TNPO2: variants seen among roughly 807,000 people sequenced by gnomAD.
TNPO2 encodes the protein transportin 2, also known as transportin-2.
Under a neutral mutation model 111.1 loss-of-function variants are expected in TNPO2, and 16 were observed. The ratio of observed to expected loss-of-function variants is 0.14; its 90% CI spans 0.10 to 0.22. The LOEUF (loss-of-function observed/expected upper bound fraction) is 0.22. Among genes scored for constraint, TNPO2 ranks in the 10% least tolerant of loss-of-function variants. The pLI, the probability that TNPO2 is intolerant of heterozygous loss-of-function variation, is 1.00. For missense variants in TNPO2, 530 were observed against 1,173.7 expected (o/e 0.45, Z 8.01); for synonymous variants, 481 against 475.8 (o/e 1.01, Z -0.14).
At chr19:12,716,470 A>G (rs963491023) in intron 5 of TNPO2, among the ~76,000 whole-genome samples, 1 of 152,162 alleles carries the variant, frequency 6.6e-6, no homozygotes, top group Non-Finnish European at 1.5e-5. Flanking sequence ...TACTAAAAAT[A>G]CAAAAATTAG....
At position 12,720,837 on chromosome 19, in the gene TNPO2, C is replaced by T. The variant is rs767015741; in HGVS notation, c.99+42G>A. Reference sequence around the variant, plus strand: ...CTCTCTGGCCTTTGGAAACTGCACGCATCTACCCGGCTCCCCCAGCCCCGG... The same window carrying T: ...CTCTCTGGCCTTTGGAAACTGCACGTATCTACCCGGCTCCCCCAGCCCCGG... On this transcript the variant is annotated intron_variant, in intron 3 of 25. Transcript: ENST00000425528. The T allele has an allele frequency of 3.9e-6, 6 of 1,548,992 alleles. No individual in the cohort carries two copies. In the Admixed American group the frequency reaches 5.9e-5, roughly 15 times the overall value.
rs1184627655 is a variant in TNPO2, at chr19:12,721,432, C to G, written c.-13-442G>C. ...CCCCGTGGTCTCTTCTATGCAGGCA[C>G]AGTCCCTGAAGAGTCCCCTTCCCCC... On this transcript the variant is annotated intron_variant, in intron 2 of 25. Coordinates refer to ENST00000425528, the MANE Select transcript of TNPO2 (RefSeq NM_001382241.1). The surrounding 1 kb of genome is among the most constrained non-coding windows in gnomAD (Gnocchi z 4.9). 1.5e-5 allele frequency: 9 copies of G among 593,410 alleles called. No homozygotes were observed. The highest frequency in any genetic ancestry group is 2.5e-5 in the Non-Finnish European group (9 of 357,802). The allele number at this position is 593,410 out of a possible 1,614,324, so 36.8% of individuals were successfully genotyped here. A position where few individuals can be genotyped will look rare whatever the true frequency, so the allele number is the denominator to read the frequency against.
intron 13 of TNPO2, among the ~76,000 whole-genome samples, chr19:12,708,501 T>A (rs8111900): frequency 6.6e-6 from 1 of 151,862 alleles, no homozygotes; most frequent in Non-Finnish European, 1.5e-5. Flanking sequence ...AATAGCACAT[T>A]GCCAATAATC....
chr19:12,704,420 A>G (rs2025506728), intron 18 of TNPO2, among the ~76,000 whole-genome samples: 1 of 152,186 alleles, frequency 6.6e-6, no homozygotes, highest in African/African-American at 2.4e-5. Context: ...ATATGCACCT[A>G]TGCACATTCT....
In TNPO2 at chr19:12,721,332, C is replaced by G; in HGVS notation, c.-13-342G>C. 7.8e-7 allele frequency: 1 copy of G among 1,277,208 alleles called. No individual in the cohort carries two copies. Among genetic ancestry groups the G allele is most frequent in the Non-Finnish European group, 1.0e-6 (1 of 989,014 alleles). The allele number at this position is 1,277,208 out of a possible 1,614,324, so 79.1% of individuals were successfully genotyped here. ...TCCGAGCCCGAAGGCTTCCACCTCCCTCGCAGCGGCTGGGCGAGGGCCCAG... is the reference window on the plus strand; with the variant it reads ...TCCGAGCCCGAAGGCTTCCACCTCCGTCGCAGCGGCTGGGCGAGGGCCCAG... On this transcript the variant is annotated intron_variant, in intron 2 of 25. Transcript: ENST00000425528. This position sits in a 1 kb window ranked among gnomAD's most constrained non-coding sequence, Gnocchi z 4.9.
chr19:12,711,329 C>A lies in TNPO2; in HGVS notation c.1084G>T (p.Asp362Tyr), dbSNP rs778735251. The change falls in exon 12 of 26, where the codon GAT becomes TAT. Residue 362 changes from aspartate (D) to tyrosine (Y), a missense_variant. Coordinates refer to ENST00000425528, the MANE Select transcript of TNPO2 (RefSeq NM_001382241.1). ...CAGTCGGACAGAGCATCATCATCAT[C>A]GTCATCCTCCGCGTCCTCGGAGCCA... is the stretch of plus-strand genomic sequence containing the variant. ...PDGSEDAEDD[D>Y]DDDALSDWNL... 1.2e-6 allele frequency: 2 copies of A among 1,613,876 alleles called. No individual in the cohort carries two copies. The highest frequency in any genetic ancestry group is 1.7e-6 in the Non-Finnish European group (2 of 1,179,892).
Position 12,715,712 on chromosome 19 carries a change from T to A in TNPO2, c.353A>T (p.Lys118Met). Residue 118 changes from lysine to methionine, a missense_variant, in exon 6 of 26, where the codon AAG (lysine) becomes ATG (methionine). Physicochemically the swap from Lys to Met is moderately conservative, Grantham distance 95 (BLOSUM62 -1). Transcript: ENST00000425528. This position sits in a 1 kb window ranked among gnomAD's most constrained non-coding sequence, Gnocchi z 7.1. ...CTCGGGCCACATCTGCAGCTCACCCTTGGAAGCGATGGTGGTGATGAGAAT... is the reference window on the plus strand; with the variant it reads ...CTCGGGCCACATCTGCAGCTCACCCATGGAAGCGATGGTGGTGATGAGAAT... ...IGILITTIASKGELQMWPELL... is the reference protein window; with the variant it reads ...IGILITTIASMGELQMWPELL... 6.2e-7 allele frequency: 1 copy of A among 1,612,850 alleles called. No homozygotes were observed. Among genetic ancestry groups the A allele is most frequent in the Non-Finnish European group, 8.5e-7 (1 of 1,179,550 alleles).
At chr19:12,707,484 T>C (rs1054993738) in intron 13 of TNPO2, among the ~76,000 whole-genome samples, 2 of 90,848 alleles carry the variant, frequency 2.2e-5, no homozygotes, top group Non-Finnish European at 4.1e-5. Flanking sequence ...GTTTTCTTTT[T>C]TTTTTTTTTT....
Position 12,715,050 on chromosome 19 carries a change from G to A in TNPO2, c.768C>T (p.Ile256=), listed in dbSNP as rs745859388. ...DRLIPHMHSI[I]QYMLQRTQDH... Reference sequence around the variant, plus strand: ...GGCTGGCCTTGACCATGCACACCTGGATGATGCTGTGCATGTGGGGGATGA... The same window carrying A: ...GGCTGGCCTTGACCATGCACACCTGAATGATGCTGTGCATGTGGGGGATGA... The change falls in exon 9 of 26, where the codon ATC becomes ATT. Residue 256 remains isoleucine (I), a synonymous_variant. Transcript: ENST00000425528. This position sits in a 1 kb window ranked among gnomAD's most constrained non-coding sequence, Gnocchi z 7.1. The A allele has an allele frequency of 8.3e-6, 13 of 1,572,476 alleles. No homozygotes were observed. The highest frequency in any genetic ancestry group is 1.3e-5 in the African/African-American group (1 of 74,128).
At chr19:12,709,438 C>T (rs1173555918) in intron 13 of TNPO2, among the ~76,000 whole-genome samples, 1 of 152,138 alleles carries the variant, frequency 6.6e-6, no homozygotes, top group Admixed American at 6.6e-5. Flanking sequence ...ACCCTATTAA[C>T]ATGAGATATG....
At chr19:12,712,147 G>C (rs1327804408) in intron 10 of TNPO2, among the ~76,000 whole-genome samples, 1 of 152,214 alleles carries the variant, frequency 6.6e-6, no homozygotes, top group Admixed American at 6.5e-5. Flanking sequence ...AGGGGACATA[G>C]TGAGGTGTGA....
At chr19:12,722,795 G>C (rs1020650291) in intron 2 of TNPO2, among the ~76,000 whole-genome samples, 1 of 152,088 alleles carries the variant, frequency 6.6e-6, no homozygotes, top group South Asian at 2.1e-4. Context: ...GGTCCTCCCA[G>C]TGTCTCGTTT....
At position 12,719,135 on chromosome 19, in the gene TNPO2, G is replaced by A. The variant is rs200633716; in HGVS notation, c.219C>T (p.Asn73=). The part of the protein sequence containing the change: ...RSLSGLILKN[N]VKAHYQSFPP... ...GGAAGCTCTGATAGTGTGCCTTCAC[G>A]TTGTTCTTGAGGATGAGGCCACTGA... The change falls in exon 5 of 26, where the codon AAC becomes AAT. Residue 73 remains asparagine (N), a synonymous_variant. Coordinates refer to ENST00000425528, the MANE Select transcript of TNPO2 (RefSeq NM_001382241.1). This position sits in a 1 kb window ranked among gnomAD's most constrained non-coding sequence, Gnocchi z 5.0. 3.9e-4 allele frequency: 632 copies of A among 1,613,896 alleles called. No individual in the cohort carries two copies. Among genetic ancestry groups the A allele is most frequent in the South Asian group, 5.8e-4 (53 of 91,090 alleles).
At chr19:12,712,860 T>C (rs2026142101) in intron 10 of TNPO2, among the ~76,000 whole-genome samples, 1 of 152,168 alleles carries the variant, frequency 6.6e-6, no homozygotes, top group African/African-American at 2.4e-5. Flanking sequence ...TTCTACACTC[T>C]CTCATCGCCG....
At chr19:12,717,268 C>CTTTTT (rs554725285) in intron 5 of TNPO2, among the ~76,000 whole-genome samples, 4 of 122,364 alleles carry the variant, frequency 3.3e-5, no homozygotes, top group South Asian at 2.6e-4. Context: ...CTTTTTCTCT[C>CTTTTT]TTTTTTTTTT....
At chr19:12,703,950 C>T in intron 18 of TNPO2, 149 bp from the exon 19 acceptor site, 2 of 677,748 alleles carry the variant, frequency 3.0e-6, no homozygotes, top group Non-Finnish European at 5.0e-6. Flanking sequence ...AGCCTCCAGC[C>T]CACATCTGCA....
chr19:12,706,250 G>A lies in TNPO2; in HGVS notation c.1614C>T (p.Leu538=). The change falls in exon 15 of 26, where the codon CTC becomes CTT. Residue 538 remains leucine, a synonymous_variant. Coordinates refer to ENST00000425528, the MANE Select transcript of TNPO2 (RefSeq NM_001382241.1). This position sits in a 1 kb window ranked among gnomAD's most constrained non-coding sequence, Gnocchi z 7.0. The part of the protein sequence containing the change: ...GKYQHKNLLI[L]YDAIGTLADS... ...CGGCCAGGGTGCCAATGGCGTCATA[G>A]AGGATGAGCAGGTTCTTGTGCTGGT... The A allele has an allele frequency of 6.2e-7, 1 of 1,614,044 alleles. No homozygotes were observed. The highest frequency in any genetic ancestry group is 8.5e-7 in the Non-Finnish European group (1 of 1,179,894).
intron 20 of TNPO2, among the ~76,000 whole-genome samples, 187 bp downstream of exon 20, chr19:12,703,241 T>G (rs972586048): frequency 3.9e-5 from 6 of 151,902 alleles, no homozygotes; most frequent in African/African-American, 1.2e-4. Context: ...AACGGTCCAA[T>G]CAGAACAGCC....
Position 12,701,523 on chromosome 19 carries a change from C to T in TNPO2, c.2587-70G>A. The T allele has an allele frequency of 1.2e-6, 2 of 1,600,410 alleles. No individual in the cohort carries two copies. Among genetic ancestry groups the T allele is most frequent in the Non-Finnish European group, 1.7e-6 (2 of 1,167,864 alleles). On this transcript the variant is annotated intron_variant, in intron 24 of 25. Transcript: ENST00000425528. The surrounding 1 kb of genome is among the most constrained non-coding windows in gnomAD (Gnocchi z 5.0). The stretch of plus-strand genomic sequence containing the variant: ...GGGAGTGCGCCTCTTCCCCCATCCC[C>T]AGGCCCCATTGTTACCAGATGGTCT...
Sources: gnomAD v4.1 joint callset for allele counts (sites outside exome capture counted in the v4.1 genomes callset) on GRCh38, gnomAD v4.1.1 for gene constraint, Gnocchi (gnomAD v3.1) non-coding constraint, MANE v1.5 for transcripts, NCBI Gene and HGNC (gene_info 2026-07-23, HGNC 2026-07-21) for gene names.